The following BSCL2 variants were observed in gnomAD, a reference collection of about 807,000 sequenced individuals.
BSCL2 encodes the protein seipin.
Under a neutral mutation model 57.4 loss-of-function variants are expected in BSCL2, and 41 were observed. The ratio of observed to expected loss-of-function variants is 0.71; its 90% CI spans 0.56 to 0.93. BSCL2 has a LOEUF of 0.93. Among genes scored for constraint, BSCL2 ranks in the 40% least tolerant of loss-of-function variants. BSCL2 has a pLI of 0.00. For synonymous variants in BSCL2, 237 were observed against 227.3 expected (o/e 1.04, Z -0.38); for missense variants, 539 against 586.7 (o/e 0.92, Z 0.84).
chr11:62,708,590 G>T (rs189832771), upstream of BSCL2: 291 of 1,565,322 alleles, frequency 1.9e-4, no homozygotes, highest in African/African-American at 3.8e-3. Context: ...GAGCCCTGGA[G>T]ATGGCAAAAG....
intron 4 of BSCL2, among the ~76,000 whole-genome samples, chr11:62,693,216 T>C (rs1945357519): frequency 6.6e-6 from 1 of 151,946 alleles, no homozygotes; most frequent in Admixed American, 6.6e-5. Flanking sequence ...GTCTTAACAT[T>C]TATTAGGCCA....
rs1181616651 is a variant in BSCL2, at chr11:62,694,718, A to C, written c.487-7T>G. On this transcript the variant is annotated splice_polypyrimidine_tract_variant and splice_region_variant and intron_variant, in intron 3 of 10. Coordinates refer to ENST00000360796, the MANE Select transcript of BSCL2 (RefSeq NM_001122955.4). ...GCTGTCCATACATCAGCACCTGCCA[A>C]AGGTAGCCCCCATTTCTTTAAAAAA... The C allele has an allele frequency of 1.2e-6, 2 of 1,613,938 alleles. No homozygotes were observed. The highest frequency in any genetic ancestry group is 1.7e-5 in the Admixed American group (1 of 59,988).
At chr11:62,701,711 A>G (rs1945644909) in intron 3 of BSCL2, among the ~76,000 whole-genome samples, 1 of 151,848 alleles carries the variant, frequency 6.6e-6, no homozygotes. Context: ...GCGCTCCTGT[A>G]GTGCCAGCTA....
rs777430457 is a variant in BSCL2, at chr11:62,691,142, C to T, written c.1006-1G>A. ...AATTGTCTCTTTTTCGGATGTTAAC[C>T]TGTGGAGGAAAAACTACTGAGCAGC... On this transcript the variant is annotated splice_acceptor_variant, in intron 7 of 10. Transcript: ENST00000360796. LOFTEE classifies it high-confidence loss of function. 2 of 1,614,230 alleles carry T rather than the reference C, an allele frequency of 1.2e-6. No individual in the cohort carries two copies. The highest frequency in any genetic ancestry group is 2.2e-5 in the South Asian group (2 of 91,088).
At chr11:62,697,793 CAA>C (rs1239385916) in intron 3 of BSCL2, among the ~76,000 whole-genome samples, 63 of 105,462 alleles carry the variant, frequency 6.0e-4, no homozygotes, top group Admixed American at 1.3e-3. Context: ...GACTCTGTAT[CAA>C]AAAAAAAAAA....
chr11:62,695,771 A>G (rs2134706654), intron 3 of BSCL2, among the ~76,000 whole-genome samples: 1 of 151,060 alleles, frequency 6.6e-6, no homozygotes, highest in South Asian at 2.1e-4. Flanking sequence ...ATAGTGAACT[A>G]CCTCCAAAAC....
At chr11:62,706,291 C>CAG (rs2083533859) in intron 1 of BSCL2, 1 of 1,113,758 alleles carries the variant, frequency 9.0e-7, no homozygotes, top group Non-Finnish European at 1.1e-6. Context: ...AACCGTGAGA[C>CAG]GGGACTTCCG....
At chr11:62,695,497 T>A (rs1367849790) in intron 3 of BSCL2, among the ~76,000 whole-genome samples, 1 of 148,566 alleles carries the variant, frequency 6.7e-6, no homozygotes, top group Non-Finnish European at 1.5e-5. Flanking sequence ...TCACCTGAGG[T>A]CAGGAGTTCG....
At chr11:62,705,715 G>A (rs1421634859) in intron 1 of BSCL2, 98 bp from the exon 2 acceptor site, 13 of 1,161,790 alleles carry the variant, frequency 1.1e-5, no homozygotes, top group Non-Finnish European at 1.5e-5. Context: ...AGAGATAGCA[G>A]GATAGCAAAG....
chr11:62,691,789 G>A (rs928884150), intron 6 of BSCL2, among the ~76,000 whole-genome samples: 3 of 152,156 alleles, frequency 2.0e-5, no homozygotes, highest in Admixed American at 6.6e-5. Context: ...GGTGGCTCAC[G>A]CCTGTAATCC....
chr11:62,706,444 T>C, intron 1 of BSCL2: 1 of 436,640 alleles, frequency 2.3e-6, no homozygotes, highest in South Asian at 2.0e-5. Context: ...GCTGTCTCCT[T>C]GCGCTCGCCA....
chr11:62,702,265 C>T lies in BSCL2; in HGVS notation c.486+203G>A, dbSNP rs565243990. 1.2e-4 allele frequency among the ~76,000 whole-genome samples: 19 copies of T among 152,208 alleles called. No individual in the cohort carries two copies. In the South Asian group the frequency reaches 3.3e-3, roughly 27 times the overall value. ...ATTTTTAGTAGAGACGGGGTTTCTC[C>T]GCGTTGGTCAGGCTGGTCTCGAACT... On this transcript the variant is annotated intron_variant, in intron 3 of 10. Transcript: ENST00000360796.
At chr11:62,696,675 A>G (rs530173970) in intron 3 of BSCL2, among the ~76,000 whole-genome samples, 1 of 152,126 alleles carries the variant, frequency 6.6e-6, no homozygotes, top group South Asian at 2.1e-4. Context: ...TTCCTGTCTC[A>G]GCCTCCTGAG....
chr11:62,694,689 T>C lies in BSCL2; in HGVS notation c.509A>G (p.Tyr170Cys). The change falls in exon 4 of 11, where the codon TAT becomes TGT. Residue 170 changes from tyrosine to cysteine, a missense_variant. Tyr to Cys is a radical substitution (Grantham distance 194). Coordinates refer to ENST00000360796, the MANE Select transcript of BSCL2 (RefSeq NM_001122955.4). Reference protein sequence around the residue: ...RDRVLMYGQPYRVTLELELPE... With the variant: ...RDRVLMYGQPCRVTLELELPE... ...CAGCTCAAGCTCTAAGGTAACACGA[T>C]ACGGCTGTCCATACATCAGCACCTG... The C allele has an allele frequency of 6.2e-7, 1 of 1,614,176 alleles. No homozygotes were observed. The highest frequency in any genetic ancestry group is 8.5e-7 in the Non-Finnish European group (1 of 1,180,032).
chr11:62,701,369 G>A (rs1486141262), intron 3 of BSCL2, among the ~76,000 whole-genome samples: 1 of 152,084 alleles, frequency 6.6e-6, no homozygotes, highest in African/African-American at 2.4e-5. Flanking sequence ...AGCTGAAAAC[G>A]CATTTAGTAC....
At chr11:62,707,082 G>T in intron 1 of BSCL2, 27 bp downstream of exon 1, 1 of 1,539,474 alleles carries the variant, frequency 6.5e-7, no homozygotes, top group South Asian at 1.2e-5. Flanking sequence ...GTATATTTCT[G>T]CTGACTGTCC....
chr11:62,690,389 C>T lies in BSCL2; in HGVS notation c.1367G>A (p.Arg456His), dbSNP rs149466797. The change falls in exon 11 of 11, where the codon CGC becomes CAC. Residue 456 changes from arginine (R) to histidine (H), a missense_variant. Around this residue, in one of 3 missense-constraint regions of BSCL2, gnomAD observed 248 missense variants for 239.9 expected, o/e 1.03. Transcript: ENST00000360796. The stretch of plus-strand genomic sequence containing the variant: ...TCTTCAGGAACTAGAGCAGGTGGGG[C>T]GCTGTCGGAGAGCACCCCCAGCAGG... ...SEPAGGALRQ[R>H]PTCSSS is the part of the protein sequence containing the mutation. 437 of 1,613,872 alleles carry T rather than the reference C, an allele frequency of 2.7e-4. 1 individual carries two copies. The highest frequency in any genetic ancestry group is 1.0e-3 in the Middle Eastern group (6 of 6,010).
At chr11:62,706,164 C>G in intron 1 of BSCL2, 1 of 1,025,558 alleles carries the variant, frequency 9.8e-7, no homozygotes, top group South Asian at 3.1e-5. Context: ...CGCCAGTCCC[C>G]TCCAGCTCGG....
At position 62,694,731 on chromosome 11, in the gene BSCL2, T is replaced by A. The variant is rs115756273; in HGVS notation, c.487-20A>T. Reference sequence around the variant, plus strand: ...CAGCACCTGCCAAAGGTAGCCCCCATTTCTTTAAAAAAATTTTTTTGTTGA... The same window carrying A: ...CAGCACCTGCCAAAGGTAGCCCCCAATTCTTTAAAAAAATTTTTTTGTTGA... On this transcript the variant is annotated intron_variant, in intron 3 of 10. Transcript: ENST00000360796. The A allele has an allele frequency of 1.4e-4, 231 of 1,612,696 alleles. No homozygotes were observed. In the African/African-American group the frequency reaches 2.9e-3, roughly 20 times the overall value.
Sources: allele counts gnomAD v4.1 joint callset (sites outside exome capture counted in the v4.1 genomes callset), GRCh38; gene constraint gnomAD v4.1.1; regional missense constraint gnomAD v4.1.1; transcripts MANE v1.5; gene names NCBI Gene and HGNC (gene_info 2026-07-23, HGNC 2026-07-21).